Variants in GLYAT observed in about 807,000 individuals in gnomAD.
GLYAT encodes glycine-N-acyltransferase.
GLYAT carries 25 observed loss-of-function variants against 22.8 expected under a neutral mutation model. That is an observed-to-expected ratio of 1.09 (90% CI 0.80 to 1.53). The LOEUF (loss-of-function observed/expected upper bound fraction) is 1.53, where lower values mean the gene tolerates loss of function less well. Among genes scored for constraint, GLYAT ranks in the 40% most tolerant of loss-of-function variants. The pLI is 0.00. For synonymous variants in GLYAT, 140 were observed against 122.7 expected, an observed-to-expected ratio of 1.14 and a Z score of -0.93; for missense variants, 411 against 353.9, an observed-to-expected ratio of 1.16 and a Z score of -1.29.
At chr11:58,717,702 T>C (rs898091782) in intron 2 of GLYAT, among the ~76,000 whole-genome samples, 1 of 152,090 alleles carries the variant, frequency 6.6e-6, no homozygotes, top group Non-Finnish European at 1.5e-5. Context: ...TACTATAGTC[T>C]TGAAATATAG....
intron 1 of GLYAT, among the ~76,000 whole-genome samples, chr11:58,728,975 G>A (rs574130081): frequency 7.3e-5 from 11 of 151,586 alleles, no homozygotes; most frequent in Non-Finnish European, 1.3e-4. Flanking sequence ...AAGGAAGGAA[G>A]GAAGAAAGGA....
rs535844381 is a variant in GLYAT, at chr11:58,713,724, TA to T, written c.190-839del. Among the ~76,000 whole-genome samples the T allele has an allele frequency of 2.9e-3, 434 of 152,200 alleles. 4 individuals carry two copies. The highest frequency in any genetic ancestry group is 9.8e-3 in the African/African-American group (406 of 41,552). ...AATATTACCACAACTATTATAGAAT[TA>T]AAAAACTTTTTAAAAAGTTGGAAAA... is the stretch of plus-strand genomic sequence containing the variant. On this transcript the variant is annotated intron_variant, in intron 3 of 5. Transcript: ENST00000344743.
intron 2 of GLYAT, among the ~76,000 whole-genome samples, chr11:58,723,255 T>C (rs1188266600): frequency 6.6e-6 from 1 of 151,976 alleles, no homozygotes; most frequent in African/African-American, 2.4e-5. Flanking sequence ...CCAAAAAAAA[T>C]GTTCTGTCTC....
At chr11:58,723,596 A>C (rs1856778653) in intron 2 of GLYAT, among the ~76,000 whole-genome samples, 1 of 152,082 alleles carries the variant, frequency 6.6e-6, no homozygotes, top group African/African-American at 2.4e-5. Flanking sequence ...ATGTCTTCTA[A>C]AACAATACAA....
At chr11:58,721,302 A>G (rs1471069646) in intron 2 of GLYAT, among the ~76,000 whole-genome samples, 1 of 151,982 alleles carries the variant, frequency 6.6e-6, no homozygotes, top group Admixed American at 6.6e-5. Context: ...GTACAGAGAG[A>G]AAAAGTCTGG....
intron 2 of GLYAT, among the ~76,000 whole-genome samples, chr11:58,720,367 T>C (rs1856734602): frequency 6.6e-6 from 1 of 152,080 alleles, no homozygotes; most frequent in East Asian, 1.9e-4. Context: ...TTATTTTAAT[T>C]GTTTACCTGG....
intron 1 of GLYAT, among the ~76,000 whole-genome samples, chr11:58,730,936 A>G (rs1856865309): frequency 6.6e-6 from 1 of 152,190 alleles, no homozygotes; most frequent in Non-Finnish European, 1.5e-5. Flanking sequence ...ATAATATATA[A>G]TATGTATAGA....
chr11:58,710,639 G>A lies in GLYAT; in HGVS notation c.439C>T (p.Leu147=), dbSNP rs1338707279. The change falls in exon 5 of 6, where the codon CTG becomes TTG. Residue 147 remains leucine (L), a synonymous_variant. Coordinates refer to ENST00000344743, the MANE Select transcript of GLYAT (RefSeq NM_201648.3). ...GGAGATAAAATCTTTGATTTCAGCA[G>A]GAAAGGAGTCAGTTCCTTGGCTGTT... The part of the protein sequence containing the change: ...AETAKELTPF[L]LKSKILSPNG... The A allele has an allele frequency of 2.5e-6, 4 of 1,609,176 alleles. No homozygotes were observed. In the African/African-American group the frequency reaches 5.3e-5, roughly 22 times the overall value.
rs71064488 is a variant in GLYAT at position 58,728,889 on chromosome 11, A to AGAAG, written c.-16+2942_-16+2945dup. ...AAGAAAGAAAGAAAGAAAGAAAGAA[A>AGAAG]GAAGGAAGGAAGGAAGGAAGGAAGG... On this transcript the variant is annotated intron_variant, in intron 1 of 5. Coordinates refer to ENST00000344743, the MANE Select transcript of GLYAT (RefSeq NM_201648.3). Among the ~76,000 whole-genome samples the AGAAG allele has an allele frequency of 9.2e-3, 930 of 101,224 alleles. 18 individuals are homozygous for AGAAG. The highest frequency in any genetic ancestry group is 0.025 in the East Asian group (76 of 3,014). 66.4% of individuals were successfully genotyped at this position (101,224 alleles called of 152,430 possible). A position where few individuals can be genotyped will look rare whatever the true frequency, so the allele number is the denominator to read the frequency against.
chr11:58,729,241 G>C (rs1389784686), intron 1 of GLYAT, among the ~76,000 whole-genome samples: 1 of 152,008 alleles, frequency 6.6e-6, no homozygotes, highest in Non-Finnish European at 1.5e-5. Context: ...TCTAAATTAG[G>C]CTTCCACTTA....
Position 58,715,299 on chromosome 11 carries a change from C to G in GLYAT, c.189+17G>C, listed in dbSNP as rs941403424. ...GCTAATATAAATATAGAAGAATATTCACACATGGAAACTTACCTGCTCCTG... is the reference window on the plus strand; with the variant it reads ...GCTAATATAAATATAGAAGAATATTGACACATGGAAACTTACCTGCTCCTG... On this transcript the variant is annotated intron_variant, in intron 3 of 5. Transcript: ENST00000344743. 9.1e-7 allele frequency: 1 copy of G among 1,094,102 alleles called. No individual in the cohort carries two copies. The highest frequency in any genetic ancestry group is 1.4e-6 in the Non-Finnish European group (1 of 710,068). The allele number at this position is 1,094,102 out of a possible 1,614,324, so 67.8% of individuals were successfully genotyped here. A position where few individuals can be genotyped will look rare whatever the true frequency, so the allele number is the denominator to read the frequency against.
intron 3 of GLYAT, among the ~76,000 whole-genome samples, chr11:58,714,309 A>G (rs1032320458): frequency 6.6e-6 from 1 of 152,172 alleles, no homozygotes; most frequent in East Asian, 1.9e-4. Flanking sequence ...AAAATTGCTG[A>G]GAGAGTAGAT....
chr11:58,720,837 G>T (rs1187037449), intron 2 of GLYAT, among the ~76,000 whole-genome samples: 2 of 151,914 alleles, frequency 1.3e-5, no homozygotes. Flanking sequence ...AAATTTGCTT[G>T]ATTAATAAAT....
At position 58,709,762 on chromosome 11, in the gene GLYAT, G is replaced by C. The variant is rs771265464; in HGVS notation, c.*4C>G. ...CCAACACTGTCTTATGTTCAGGATT[G>C]GCATCACAGAGGTACACAGTTCCAC... is the stretch of plus-strand genomic sequence containing the variant. On this transcript the variant is annotated 3_prime_UTR_variant, in exon 6 of 6. Coordinates refer to ENST00000344743, the MANE Select transcript of GLYAT (RefSeq NM_201648.3). The C allele has an allele frequency of 6.2e-7, 1 of 1,602,460 alleles. No homozygotes were observed. Among genetic ancestry groups the C allele is most frequent in the South Asian group, 1.1e-5 (1 of 89,198 alleles).
rs1393189164 is a variant in GLYAT, at chr11:58,712,827, G to A, written c.249C>T (p.Pro83=). 6.2e-7 allele frequency: 1 copy of A among 1,609,472 alleles called. No individual in the cohort carries two copies. The highest frequency in any genetic ancestry group is 8.5e-7 in the Non-Finnish European group (1 of 1,175,952). ...ATCCAAGGAATTCCTGACAGTTTTGGGGATCTTTGGAGTAGATTTGGTAAG... is the reference window on the plus strand; with the variant it reads ...ATCCAAGGAATTCCTGACAGTTTTGAGGATCTTTGGAGTAGATTTGGTAAG... The part of the protein sequence containing the change: ...TNTYQIYSKD[P]QNCQEFLGSP... Residue 83 remains proline, a synonymous_variant, in exon 4 of 6, where the codon CCC becomes CCT. Coordinates refer to ENST00000344743, the MANE Select transcript of GLYAT (RefSeq NM_201648.3).
chr11:58,715,438 G>T lies in GLYAT; in HGVS notation c.82-15C>A, dbSNP rs555746836. On this transcript the variant is annotated splice_polypyrimidine_tract_variant and intron_variant, in intron 2 of 5. Coordinates refer to ENST00000344743, the MANE Select transcript of GLYAT (RefSeq NM_201648.3). ...GTTCCATAAACCTGCAGGATCCCAA[G>T]AAATTGACAGGGTTGGTTTATTTGA... 1.7e-6 allele frequency: 2 copies of T among 1,148,324 alleles called. No individual in the cohort carries two copies. The highest frequency in any genetic ancestry group is 1.5e-5 in the African/African-American group (1 of 65,336). The allele number at this position is 1,148,324 out of a possible 1,614,324, so 71.1% of individuals were successfully genotyped here. A position where few individuals can be genotyped will look rare whatever the true frequency, so the allele number is the denominator to read the frequency against.
At chr11:58,710,484 C>T in intron 5 of GLYAT, 106 bp downstream of exon 5, 1 of 910,342 alleles carries the variant, frequency 1.1e-6, no homozygotes, top group Non-Finnish European at 1.8e-6. Context: ...ATTCTGATTT[C>T]TTTGTACAAC....
At chr11:58,728,489 A>G (rs1856832985) in intron 1 of GLYAT, among the ~76,000 whole-genome samples, 1 of 152,106 alleles carries the variant, frequency 6.6e-6, no homozygotes, top group Admixed American at 6.6e-5. Flanking sequence ...ATAAGAATTC[A>G]CTACCAGTAA....
intron 1 of GLYAT, among the ~76,000 whole-genome samples, chr11:58,725,336 A>T (rs1159829087): frequency 6.6e-6 from 1 of 152,164 alleles, no homozygotes; most frequent in Non-Finnish European, 1.5e-5. Context: ...GATTACCTAA[A>T]CACTTCATAA....
Sources: gnomAD v4.1 joint callset for allele counts (sites outside exome capture counted in the v4.1 genomes callset) on GRCh38, gnomAD v4.1.1 for gene constraint, MANE v1.5 for transcripts, NCBI Gene and HGNC (gene_info 2026-07-23, HGNC 2026-07-21) for gene names.